The following KDM4C variants were observed in gnomAD, a reference collection of about 807,000 sequenced individuals.
KDM4C encodes lysine-specific demethylase 4C.
A neutral mutation model predicts 129.3 loss-of-function variants in KDM4C; 81 were observed. The ratio of observed to expected loss-of-function variants is 0.63; its 90% CI spans 0.52 to 0.75. KDM4C has a LOEUF of 0.75. Ranked by LOEUF, KDM4C falls within the 30% of genes least tolerant of loss-of-function variation. KDM4C has a pLI of 0.00. For synonymous variants in KDM4C, 573 were observed against 456.1 expected, an observed-to-expected ratio of 1.26 and a Z score of -3.26; for missense variants, 1,457 against 1,304.0, an observed-to-expected ratio of 1.12 and a Z score of -1.81.
chr9:6,953,601 G>A (rs1164110316), intron 8 of KDM4C, among the ~76,000 whole-genome samples: 1 of 152,022 alleles, frequency 6.6e-6, no homozygotes, highest in African/African-American at 2.4e-5. Flanking sequence ...GTAATATTTT[G>A]TTTCAAATAA....
At chr9:6,988,939 C>T (rs1230175360) in intron 11 of KDM4C, among the ~76,000 whole-genome samples, 1 of 152,050 alleles carries the variant, frequency 6.6e-6, no homozygotes, top group South Asian at 2.1e-4. Context: ...ACATATTTAC[C>T]GAGTAGTATT....
intron 1 of KDM4C, among the ~76,000 whole-genome samples, chr9:6,766,230 A>G (rs1415727095): frequency 6.6e-6 from 1 of 152,200 alleles, no homozygotes; most frequent in Non-Finnish European, 1.5e-5. Context: ...ACAACTGAGC[A>G]TCTGTAATCT....
At chr9:6,938,851 A>G (rs1035242549) in intron 8 of KDM4C, among the ~76,000 whole-genome samples, 1 of 84,926 alleles carries the variant, frequency 1.2e-5, no homozygotes, top group Non-Finnish European at 3.1e-5. Context: ...AGATACACTA[A>G]TAATAAAATA....
chr9:6,786,808 A>G (rs1825591729), intron 1 of KDM4C, among the ~76,000 whole-genome samples: 3 of 152,170 alleles, frequency 2.0e-5, no homozygotes, highest in Non-Finnish European at 4.4e-5. Flanking sequence ...GTAAGTAGGC[A>G]CCTCCCAGAA....
chr9:7,165,230 T>C lies in KDM4C; in HGVS notation c.2782-8T>C, dbSNP rs753510944. ...CTTTTGAAAAGCCTGTCTCTGTTTA[T>C]TCTGCAGAGCCGAGACTGTCTGAAG... On this transcript the variant is annotated splice_polypyrimidine_tract_variant and splice_region_variant and intron_variant, in intron 19 of 21. Transcript: ENST00000381309. The C allele has an allele frequency of 5.6e-6, 9 of 1,613,654 alleles. No individual in the cohort carries two copies. The highest frequency in any genetic ancestry group is 1.7e-4 in the Middle Eastern group (1 of 6,056).
At chr9:7,122,885 C>A (rs1471236917) in intron 18 of KDM4C, among the ~76,000 whole-genome samples, 1 of 152,170 alleles carries the variant, frequency 6.6e-6, no homozygotes, top group Non-Finnish European at 1.5e-5. Flanking sequence ...TTTCTTTAAT[C>A]TGATGGATGC....
chr9:6,913,996 C>T (rs1310045787), intron 8 of KDM4C, among the ~76,000 whole-genome samples: 1 of 152,170 alleles, frequency 6.6e-6, no homozygotes, highest in Non-Finnish European at 1.5e-5. Context: ...CAATTCTGTT[C>T]CATCATCCTT....
chr9:7,115,978 G>A (rs1166535418), intron 18 of KDM4C, among the ~76,000 whole-genome samples: 1 of 152,190 alleles, frequency 6.6e-6, no homozygotes, highest in African/African-American at 2.4e-5. Context: ...AGTGTCACAT[G>A]TCCTTTCTTG....
At chr9:7,130,781 CAG>C (rs762021991) in intron 19 of KDM4C, among the ~76,000 whole-genome samples, 10 of 151,926 alleles carry the variant, frequency 6.6e-5, no homozygotes, top group Non-Finnish European at 1.3e-4. Flanking sequence ...TTTTTTGAGA[CAG>C]GGCCTCATTT....
rs577702893 is a variant in KDM4C at position 7,148,526 on chromosome 9, A to G, written c.2782-16712A>G. 9.5e-4 allele frequency among the ~76,000 whole-genome samples: 145 copies of G among 152,344 alleles called. 4 individuals are homozygous for G. The South Asian group carries it at 0.029, about 31-fold the overall frequency. On this transcript the variant is annotated intron_variant, in intron 19 of 21. Coordinates refer to ENST00000381309, the MANE Select transcript of KDM4C (RefSeq NM_015061.6). ...AGGGAATTCCAAGGTCTGGGCACCC[A>G]GAAGGGTTGGCACTCTTCACTGCCA...
chr9:7,046,839 G>A, intron 15 of KDM4C, 23 bp from the exon 16 acceptor site: 5 of 1,564,880 alleles, frequency 3.2e-6, no homozygotes, highest in South Asian at 1.1e-5. Context: ...TGGTCATCAT[G>A]TGGTATTTTC....
chr9:6,947,578 T>C (rs1277750677), intron 8 of KDM4C, among the ~76,000 whole-genome samples: 2 of 152,142 alleles, frequency 1.3e-5, no homozygotes, highest in Admixed American at 1.3e-4. Flanking sequence ...ATAATTTTTT[T>C]GTAAACCCAT....
chr9:6,788,950 A>T lies in KDM4C; in HGVS notation c.-17-4022A>T, dbSNP rs115630679. Among the ~76,000 whole-genome samples the T allele has an allele frequency of 6.4e-3, 972 of 152,312 alleles. 13 individuals carry two copies. The highest frequency in any genetic ancestry group is 0.022 in the African/African-American group (914 of 41,572). On this transcript the variant is annotated intron_variant, in intron 1 of 21. Transcript: ENST00000381309. Reference sequence around the variant, plus strand: ...GAAAGCTTTGCTTGTTTACAGAAGCACAAGTCAGTGAGTATTGTTGGAGTG... The same window carrying T: ...GAAAGCTTTGCTTGTTTACAGAAGCTCAAGTCAGTGAGTATTGTTGGAGTG...
intron 8 of KDM4C, among the ~76,000 whole-genome samples, chr9:6,954,492 C>G (rs1349737625): frequency 1.3e-5 from 2 of 152,106 alleles, no homozygotes; most frequent in African/African-American, 4.8e-5. Flanking sequence ...AAGTCTCAGA[C>G]ATGATCTTTT....
At chr9:6,740,445 C>T (rs929538504) in intron 1 of KDM4C, among the ~76,000 whole-genome samples, 11 of 150,928 alleles carry the variant, frequency 7.3e-5, no homozygotes, top group Admixed American at 1.3e-4. Flanking sequence ...CCTTGTGATC[C>T]GCCCACCTCG....
chr9:7,019,351 C>T (rs1824242244), intron 15 of KDM4C, among the ~76,000 whole-genome samples: 1 of 152,012 alleles, frequency 6.6e-6, no homozygotes, highest in African/African-American at 2.4e-5. Context: ...ATAAAGGGCT[C>T]TAAAGGAGCT....
intron 17 of KDM4C, among the ~76,000 whole-genome samples, chr9:7,087,274 C>CT (rs56306376): frequency 0.34 from 49,351 of 147,302 alleles, 8,718 homozygotes; most frequent in East Asian, 0.55. Context: ...AATATGAAGG[C>CT]TTTTTTTTTT....
At position 7,082,239 on chromosome 9, in the gene KDM4C, C is replaced by G. The variant is rs557725526; in HGVS notation, c.2425-21446C>G. ...GAATGGGCATTAGAAGGTTTCTTTC[C>G]ACCTTAGCCCACCAGAATGGTACAG... On this transcript the variant is annotated intron_variant, in intron 17 of 21. Coordinates refer to ENST00000381309, the MANE Select transcript of KDM4C (RefSeq NM_015061.6). Among the ~76,000 whole-genome samples, 124 of 152,206 alleles carry G rather than the reference C, an allele frequency of 8.1e-4. 2 individuals are homozygous for G. In the South Asian group the frequency reaches 0.024, roughly 30 times the overall value.
chr9:7,165,424 C>T (rs1844278030), intron 20 of KDM4C, 67 bp downstream of exon 20: 2 of 1,541,882 alleles, frequency 1.3e-6, no homozygotes, highest in Admixed American at 1.8e-5. Context: ...GATAGTATCT[C>T]AAGTGTGCTG....
Sources: allele counts gnomAD v4.1 joint callset (sites outside exome capture counted in the v4.1 genomes callset), GRCh38; gene constraint gnomAD v4.1.1; transcripts MANE v1.5; gene names NCBI Gene and HGNC (gene_info 2026-07-23, HGNC 2026-07-21).